Variants in OR5AS1 observed in about 807,000 individuals in gnomAD.
The protein encoded by OR5AS1 is olfactory receptor family 5 subfamily AS member 1, also known as olfactory receptor 5AS1.
For synonymous variants in OR5AS1, 196 were observed against 141.7 expected (o/e 1.38, Z -2.72); for missense variants, 492 against 378.2 (o/e 1.30, Z -2.50).
Position 56,031,879 on chromosome 11 carries a change from A to G in OR5AS1, c.*486A>G. 1 of 152,840 alleles carries G rather than the reference A, an allele frequency of 6.5e-6. No homozygotes were observed. Among genetic ancestry groups the G allele is most frequent in the East Asian group, 1.9e-4 (1 of 5,208 alleles). The allele number at this position is 152,840 out of a possible 1,614,324, so 9.5% of individuals were successfully genotyped here. Reference sequence around the variant, plus strand: ...CCAAGGTCTGATTTCAAAAATTCAAAATATTGTAACCTCAGACATAAATTT... The same window carrying G: ...CCAAGGTCTGATTTCAAAAATTCAAGATATTGTAACCTCAGACATAAATTT... On this transcript the variant is annotated 3_prime_UTR_variant, in exon 2 of 2. Transcript: ENST00000641320.
chr11:56,034,115 A>C lies in OR5AS1; in HGVS notation c.*2722A>C, dbSNP rs1247637442. On this transcript the variant is annotated 3_prime_UTR_variant, in exon 2 of 2. Transcript: ENST00000641320. ...CTCCACCACCAACATCAAAGACCAAAGGTAGATAAATGCATGATGGTGAGG... is the reference window on the plus strand; with the variant it reads ...CTCCACCACCAACATCAAAGACCAACGGTAGATAAATGCATGATGGTGAGG... 6.6e-6 allele frequency: 1 copy of C among 152,140 alleles called. No homozygotes were observed. The allele number at this position is 152,140 out of a possible 1,614,324, so 9.4% of individuals were successfully genotyped here.
In OR5AS1 at chr11:56,031,440, A is replaced by T; in HGVS notation, c.*47A>T. 1 of 1,294,326 alleles carries T rather than the reference A, an allele frequency of 7.7e-7. No individual in the cohort carries two copies. Among genetic ancestry groups the T allele is most frequent in the African/African-American group, 1.5e-5 (1 of 67,556 alleles). The allele number at this position is 1,294,326 out of a possible 1,614,324, so 80.2% of individuals were successfully genotyped here. The stretch of plus-strand genomic sequence containing the variant: ...ACAGCAATTATGCCATGAACATCTT[A>T]TGTGTTAACTATTTTAAATTTATCA... On this transcript the variant is annotated 3_prime_UTR_variant, in exon 2 of 2. Transcript: ENST00000641320.
chr11:56,034,025 C>T lies in OR5AS1; in HGVS notation c.*2632C>T, dbSNP rs560966709. On this transcript the variant is annotated 3_prime_UTR_variant, in exon 2 of 2. Transcript: ENST00000641320. ...TCCAGCAGACCTGCAGCAGAGGGGC[C>T]TGACAATTAAAAGGAAAACTAAGGA... is the stretch of plus-strand genomic sequence containing the variant. 1 of 152,602 alleles carries T rather than the reference C, an allele frequency of 6.6e-6. No homozygotes were observed. Among genetic ancestry groups the T allele is most frequent in the Middle Eastern group, 3.4e-3 (1 of 298 alleles). 9.5% of individuals were successfully genotyped at this position (152,602 alleles called of 1,614,324 possible).
Position 56,036,031 on chromosome 11 carries a change from T to C in OR5AS1, c.*4638T>C, listed in dbSNP as rs1241720643. The C allele has an allele frequency of 1.3e-5, 2 of 152,104 alleles. No individual in the cohort carries two copies. Among genetic ancestry groups the C allele is most frequent in the Non-Finnish European group, 2.9e-5 (2 of 68,042 alleles). The allele number at this position is 152,104 out of a possible 1,614,324, so 9.4% of individuals were successfully genotyped here. On this transcript the variant is annotated 3_prime_UTR_variant, in exon 2 of 2. Transcript: ENST00000641320. ...ACTGAACAACCTGCTCATGAATGAC[T>C]ACTGGGTAAATAATGAAAATAAAGC...
chr11:56,030,544 T>C lies in OR5AS1; in HGVS notation c.126T>C (p.Asn42=). The change falls in exon 2 of 2, where the codon AAT becomes AAC. Residue 42 remains asparagine, a synonymous_variant. Coordinates refer to ENST00000641320, the MANE Select transcript of OR5AS1 (RefSeq NM_001001921.2). ...LLVYTLTMVG[N]ILLIILVNIN... The stretch of plus-strand genomic sequence containing the variant: ...TATATACATTAACTATGGTCGGAAA[T>C]ATACTCTTAATAATTCTAGTTAATA... The C allele has an allele frequency of 1.3e-6, 2 of 1,557,694 alleles. No individual in the cohort carries two copies. Among genetic ancestry groups the C allele is most frequent in the Non-Finnish European group, 1.7e-6 (2 of 1,148,622 alleles).
chr11:56,028,173 T>C (rs868725942), intron 1 of OR5AS1, among the ~76,000 whole-genome samples: 2 of 151,940 alleles, frequency 1.3e-5, no homozygotes, highest in South Asian at 4.1e-4. Context: ...TAAATAATCA[T>C]AATAGCATTA....
rs1344787164 is a variant in OR5AS1 at position 56,031,224 on chromosome 11, A to G, written c.806A>G (p.Asp269Gly). 1 of 1,613,670 alleles carries G rather than the reference A, an allele frequency of 6.2e-7. No homozygotes were observed. Among genetic ancestry groups the G allele is most frequent in the South Asian group, 1.1e-5 (1 of 91,086 alleles). The part of the protein sequence containing the change: ...YLQPTTSYSL[D>G]TDKVVAVFYT... ...CAGCCCACCACTAGCTATTCCCTAG[A>G]CACTGATAAGGTGGTGGCAGTGTTT... Residue 269 changes from aspartate to glycine, a missense_variant, in exon 2 of 2, where the codon GAC (aspartate) becomes GGC (glycine). Physicochemically the swap from Asp to Gly is moderately conservative, Grantham distance 94. Coordinates refer to ENST00000641320, the MANE Select transcript of OR5AS1 (RefSeq NM_001001921.2).
At position 56,031,975 on chromosome 11, in the gene OR5AS1, T is replaced by G. The variant is rs1853356640; in HGVS notation, c.*582T>G. The G allele has an allele frequency of 6.6e-6, 1 of 152,436 alleles. No individual in the cohort carries two copies. Among genetic ancestry groups the G allele is most frequent in the South Asian group, 2.1e-4 (1 of 4,840 alleles). The allele number at this position is 152,436 out of a possible 1,614,324, so 9.4% of individuals were successfully genotyped here. ...TGGGAAAATACAGCCTTATTTTATT[T>G]GGACAGTGAGTCTATATTTGTACTC... On this transcript the variant is annotated 3_prime_UTR_variant, in exon 2 of 2. Transcript: ENST00000641320.
rs1220713979 is a variant in OR5AS1 at position 56,034,940 on chromosome 11, G to A, written c.*3547G>A. The A allele has an allele frequency of 6.6e-6, 1 of 152,138 alleles. No individual in the cohort carries two copies. Among genetic ancestry groups the A allele is most frequent in the Admixed American group, 6.5e-5 (1 of 15,282 alleles). 9.4% of individuals were successfully genotyped at this position (152,138 alleles called of 1,614,324 possible). A position where few individuals can be genotyped will look rare whatever the true frequency, so the allele number is the denominator to read the frequency against. ...GGCTGTCTCAGCAGAAACCCTATAA[G>A]CCAGAAGTGAGTGGGGGCCAATATC... On this transcript the variant is annotated 3_prime_UTR_variant, in exon 2 of 2. Coordinates refer to ENST00000641320, the MANE Select transcript of OR5AS1 (RefSeq NM_001001921.2).
Position 56,030,450 on chromosome 11 carries a change from A to C in OR5AS1, c.32A>C (p.Glu11Ala). MLESNYTMPTEFLFVGFTDYL... is the reference protein window; with the variant it reads MLESNYTMPTAFLFVGFTDYL... ...GAGAGTAATTACACCATGCCAACTG[A>C]GTTCCTATTTGTTGGATTCACAGAT... Residue 11 changes from glutamate to alanine, a missense_variant, in exon 2 of 2, where the codon GAG (glutamate) becomes GCG (alanine). Coordinates refer to ENST00000641320, the MANE Select transcript of OR5AS1 (RefSeq NM_001001921.2). 2.7e-6 allele frequency: 4 copies of C among 1,495,120 alleles called. No homozygotes were observed. The highest frequency in any genetic ancestry group is 3.6e-6 in the Non-Finnish European group (4 of 1,122,508). The allele number at this position is 1,495,120 out of a possible 1,614,324, so 92.6% of individuals were successfully genotyped here. A position where few individuals can be genotyped will look rare whatever the true frequency, so the allele number is the denominator to read the frequency against.
chr11:56,031,000 C>A lies in OR5AS1; in HGVS notation c.582C>A (p.Ile194=). The change falls in exon 2 of 2, where the codon ATC becomes ATA. Residue 194 remains isoleucine, a synonymous_variant. Transcript: ENST00000641320. ...CTTTATCATGTACAGACACTCAGATCAACCAGCTTCTGCTCTTTGCTTTGT... is the reference window on the plus strand; with the variant it reads ...CTTTATCATGTACAGACACTCAGATAAACCAGCTTCTGCTCTTTGCTTTGT... ...LLALSCTDTQ[I]NQLLLFALCS... 1 of 1,614,168 alleles carries A rather than the reference C, an allele frequency of 6.2e-7. No homozygotes were observed. The highest frequency in any genetic ancestry group is 8.5e-7 in the Non-Finnish European group (1 of 1,180,034).
At chr11:56,030,235 T>G (rs1260028854) in intron 1 of OR5AS1, among the ~76,000 whole-genome samples, 156 bp from the exon 2 acceptor site, 2 of 151,736 alleles carry the variant, frequency 1.3e-5, no homozygotes, top group Non-Finnish European at 2.9e-5. Context: ...TTATTATACT[T>G]CCTTTAATCA....
chr11:56,030,966 C>A lies in OR5AS1; in HGVS notation c.548C>A (p.Pro183His), dbSNP rs867532971. The A allele has an allele frequency of 2.5e-6, 4 of 1,613,988 alleles. No homozygotes were observed. Among genetic ancestry groups the A allele is most frequent in the Non-Finnish European group, 3.4e-6 (4 of 1,179,996 alleles). The change falls in exon 2 of 2, where the codon CCT becomes CAT. Residue 183 changes from proline to histidine, a missense_variant. By Grantham distance (77) the Pro-to-His change is moderately conservative. Transcript: ENST00000641320. ...IVNHFFCDIPPLLALSCTDTQ... is the reference protein window; with the variant it reads ...IVNHFFCDIPHLLALSCTDTQ... ...AATCATTTTTTCTGTGATATCCCAC[C>A]TCTTCTGGCTTTATCATGTACAGAC...
In OR5AS1 at chr11:56,030,443, C is replaced by T; in HGVS notation, c.25C>T (p.Pro9Ser). The change falls in exon 2 of 2, where the codon CCA (proline) becomes TCA (serine). Residue 9 changes from proline to serine, a missense_variant. By Grantham distance (74) the Pro-to-Ser change is moderately conservative. Transcript: ENST00000641320. ...GATGTTGGAGAGTAATTACACCATG[C>T]CAACTGAGTTCCTATTTGTTGGATT... is the stretch of plus-strand genomic sequence containing the variant. MLESNYTM[P>S]TEFLFVGFTD... The T allele has an allele frequency of 1.3e-6, 2 of 1,489,808 alleles. No individual in the cohort carries two copies. The highest frequency in any genetic ancestry group is 2.3e-5 in the East Asian group (1 of 43,778). The allele number at this position is 1,489,808 out of a possible 1,614,324, so 92.3% of individuals were successfully genotyped here. A position where few individuals can be genotyped will look rare whatever the true frequency, so the allele number is the denominator to read the frequency against.
At position 56,038,109 on chromosome 11, in the gene OR5AS1, A is replaced by T. The variant is rs1853427740; in HGVS notation, c.*6716A>T. 1 of 152,194 alleles carries T rather than the reference A, an allele frequency of 6.6e-6. No individual in the cohort carries two copies. Among genetic ancestry groups the T allele is most frequent in the Non-Finnish European group, 1.5e-5 (1 of 68,046 alleles). The allele number at this position is 152,194 out of a possible 1,614,324, so 9.4% of individuals were successfully genotyped here. On this transcript the variant is annotated 3_prime_UTR_variant, in exon 2 of 2. Transcript: ENST00000641320. ...TGGACCCCTTCCTTATATCTTATAC[A>T]AAAATTAACTCAAGATGGATTAAAG... is the stretch of plus-strand genomic sequence containing the variant.
intron 1 of OR5AS1, among the ~76,000 whole-genome samples, chr11:56,028,562 C>T (rs1853317704): frequency 6.6e-6 from 1 of 151,980 alleles, no homozygotes. Context: ...ATGAGATTTC[C>T]CTAAGATCCA....
At position 56,030,441 on chromosome 11, in the gene OR5AS1, T is replaced by G. The variant is rs1853334936; in HGVS notation, c.23T>G (p.Met8Arg). 1 of 1,492,504 alleles carries G rather than the reference T, an allele frequency of 6.7e-7. No homozygotes were observed. The highest frequency in any genetic ancestry group is 8.9e-7 in the Non-Finnish European group (1 of 1,120,946). The allele number at this position is 1,492,504 out of a possible 1,614,324, so 92.5% of individuals were successfully genotyped here. A position where few individuals can be genotyped will look rare whatever the true frequency, so the allele number is the denominator to read the frequency against. The change falls in exon 2 of 2, where the codon ATG becomes AGG. Residue 8 changes from methionine (M) to arginine (R), a missense_variant. By Grantham distance (91) the Met-to-Arg change is moderately conservative (BLOSUM62 -1). Transcript: ENST00000641320. MLESNYT[M>R]PTEFLFVGFT... is the part of the protein sequence containing the mutation. Reference sequence around the variant, plus strand: ...AAGATGTTGGAGAGTAATTACACCATGCCAACTGAGTTCCTATTTGTTGGA... The same window carrying G: ...AAGATGTTGGAGAGTAATTACACCAGGCCAACTGAGTTCCTATTTGTTGGA...
rs1176073653 is a variant in OR5AS1, at chr11:56,036,844, T to G, written c.*5451T>G. On this transcript the variant is annotated 3_prime_UTR_variant, in exon 2 of 2. Coordinates refer to ENST00000641320, the MANE Select transcript of OR5AS1 (RefSeq NM_001001921.2). The stretch of plus-strand genomic sequence containing the variant: ...AAAGAACATGCCAGGCCAATATCCC[T>G]GATGAACATGATGCAAAAATCCTCA... 1 of 152,078 alleles carries G rather than the reference T, an allele frequency of 6.6e-6. No individual in the cohort carries two copies. The highest frequency in any genetic ancestry group is 1.9e-4 in the East Asian group (1 of 5,196). The allele number at this position is 152,078 out of a possible 1,614,324, so 9.4% of individuals were successfully genotyped here. A position where few individuals can be genotyped will look rare whatever the true frequency, so the allele number is the denominator to read the frequency against.
Position 56,032,165 on chromosome 11 carries a change from A to T in OR5AS1, c.*772A>T, listed in dbSNP as rs1197975800. ...ACATTGTCTTTGGGCTAAGTTGATT[A>T]CTGCAAGAAATTCCCTACTTTTTCA... On this transcript the variant is annotated 3_prime_UTR_variant, in exon 2 of 2. Transcript: ENST00000641320. 1 of 152,268 alleles carries T rather than the reference A, an allele frequency of 6.6e-6. No individual in the cohort carries two copies. Among genetic ancestry groups the T allele is most frequent in the East Asian group, 1.9e-4 (1 of 5,178 alleles). The allele number at this position is 152,268 out of a possible 1,614,324, so 9.4% of individuals were successfully genotyped here. A position where few individuals can be genotyped will look rare whatever the true frequency, so the allele number is the denominator to read the frequency against.
Sources: allele counts gnomAD v4.1 joint callset (sites outside exome capture counted in the v4.1 genomes callset), GRCh38; gene constraint gnomAD v4.1.1; transcripts MANE v1.5; gene names NCBI Gene and HGNC (gene_info 2026-07-23, HGNC 2026-07-21).